Variants in CREB5 observed in about 807,000 individuals in gnomAD.
CREB5 encodes the protein cAMP responsive element binding protein 5, also known as cyclic AMP-responsive element-binding protein 5.
CREB5 carries 19 observed loss-of-function variants against 57.1 expected under a neutral mutation model. The ratio of observed to expected loss-of-function variants is 0.33; its 90% CI spans 0.23 to 0.49. The LOEUF (loss-of-function observed/expected upper bound fraction) is 0.49. CREB5 is among the 20% of genes least tolerant of loss of function. CREB5 has a pLI of 0.99. For missense variants in CREB5, 579 were observed against 671.6 expected, an observed-to-expected ratio of 0.86 and a Z score of 1.52; for synonymous variants, 238 against 238.3, an observed-to-expected ratio of 1.00 and a Z score of 0.01.
At chr7:28,645,084 C>A (rs1798839560) in intron 5 of CREB5, among the ~76,000 whole-genome samples, 1 of 152,178 alleles carries the variant, frequency 6.6e-6, no homozygotes, top group African/African-American at 2.4e-5. Flanking sequence ...ATTGCAGCCC[C>A]CCAACCCTTG....
At chr7:28,587,980 G>C (rs1796362581) in intron 5 of CREB5, among the ~76,000 whole-genome samples, 1 of 152,124 alleles carries the variant, frequency 6.6e-6, no homozygotes, top group Non-Finnish European at 1.5e-5. Context: ...GTATGCTATG[G>C]GGAGCTCTTC....
intron 5 of CREB5, among the ~76,000 whole-genome samples, chr7:28,681,842 T>C (rs1426315822): frequency 6.6e-6 from 1 of 152,074 alleles, no homozygotes; most frequent in Non-Finnish European, 1.5e-5. Flanking sequence ...ATTCCAGGAG[T>C]GTCAACGGTC....
intron 5 of CREB5, among the ~76,000 whole-genome samples, chr7:28,590,750 G>T (rs867714825): frequency 2.6e-5 from 4 of 151,798 alleles, no homozygotes; most frequent in Middle Eastern, 3.4e-3. Context: ...CTTTGGAAAA[G>T]TTATAGTTAA....
At chr7:28,502,404 G>C (rs1295424808) in intron 3 of CREB5, among the ~76,000 whole-genome samples, 1 of 152,022 alleles carries the variant, frequency 6.6e-6, no homozygotes, top group South Asian at 2.1e-4. Context: ...AATATGAAAA[G>C]TACCTAAGAA....
At chr7:28,772,994 G>A (rs1806410819) in intron 7 of CREB5, among the ~76,000 whole-genome samples, 1 of 152,148 alleles carries the variant, frequency 6.6e-6, no homozygotes, top group Non-Finnish European at 1.5e-5. Context: ...TAATGTATGG[G>A]TTATTGTAAG....
chr7:28,492,158 C>T (rs924386943), intron 2 of CREB5, among the ~76,000 whole-genome samples: 2 of 152,188 alleles, frequency 1.3e-5, no homozygotes, highest in African/African-American at 4.8e-5. Flanking sequence ...TGCCACCACG[C>T]CTGGCTAATT....
Position 28,346,962 on chromosome 7 carries a change from G to T in CREB5, c.-25+47521G>T, listed in dbSNP as rs138420452. ...AGTACCACTGGGTTGGCCTTGGTAG[G>T]AGAAGAGGCAAGGACAAAGGAGGAA... On this transcript the variant is annotated intron_variant, in intron 1 of 9. Coordinates refer to the CREB5 transcript ENST00000396299. Among the ~76,000 whole-genome samples, 567 of 152,282 alleles carry T rather than the reference G, an allele frequency of 3.7e-3. 5 individuals are homozygous for T. The highest frequency in any genetic ancestry group is 3.6e-3 in the Non-Finnish European group (247 of 68,030).
chr7:28,755,092 A>C (rs1427395229), intron 7 of CREB5, among the ~76,000 whole-genome samples: 4 of 152,202 alleles, frequency 2.6e-5, no homozygotes, highest in Non-Finnish European at 4.4e-5. Flanking sequence ...AAATGAGAGC[A>C]TAAGATTGGT....
At chr7:28,426,955 T>A (rs910251336) in intron 1 of CREB5, among the ~76,000 whole-genome samples, 5 of 152,170 alleles carry the variant, frequency 3.3e-5, no homozygotes, top group African/African-American at 1.2e-4. Flanking sequence ...CTTCCTAGAA[T>A]CAGCATGAGA....
At chr7:28,344,086 T>C (rs2127989334) in intron 1 of CREB5, among the ~76,000 whole-genome samples, 1 of 152,234 alleles carries the variant, frequency 6.6e-6, no homozygotes, top group African/African-American at 2.4e-5. Context: ...TCATTATATG[T>C]TCTGGATATT....
intron 5 of CREB5, among the ~76,000 whole-genome samples, chr7:28,575,460 G>A (rs1795869264): frequency 6.6e-6 from 1 of 152,222 alleles, no homozygotes; most frequent in Non-Finnish European, 1.5e-5. Flanking sequence ...CAATGCATAT[G>A]CGTATGAATC....
intron 7 of CREB5, among the ~76,000 whole-genome samples, chr7:28,756,930 T>A (rs975666232): frequency 2.6e-5 from 4 of 152,188 alleles, no homozygotes; most frequent in Non-Finnish European, 4.4e-5. Flanking sequence ...ATTGATTGGT[T>A]CAGGCGCTCA....
chr7:28,671,957 A>G (rs1370515085), intron 5 of CREB5, among the ~76,000 whole-genome samples: 6 of 152,178 alleles, frequency 3.9e-5, no homozygotes. Context: ...ACACTTTCTT[A>G]ATCTTTTTTA....
At chr7:28,692,955 C>T (rs867336586) in intron 5 of CREB5, among the ~76,000 whole-genome samples, 9 of 152,256 alleles carry the variant, frequency 5.9e-5, no homozygotes, top group Admixed American at 3.3e-4. Context: ...CCTGTACCTG[C>T]GCTGGCAAGA....
At chr7:28,672,449 A>G (rs1481814269) in intron 5 of CREB5, among the ~76,000 whole-genome samples, 1 of 150,638 alleles carries the variant, frequency 6.6e-6, no homozygotes, top group Non-Finnish European at 1.5e-5. Context: ...GAACTGCAGA[A>G]AAAAAAAATG....
rs1795208911 is a variant in CREB5, at chr7:28,560,951, C to CGTGCGTTTGCGT, written c.292-9411_292-9410insCGTTTGCGTGTG. On this transcript the variant is annotated intron_variant, in intron 4 of 10. Coordinates refer to ENST00000357727, the MANE Select transcript of CREB5 (RefSeq NM_182898.4). ...GTGCGTGTGTGCGTGCGTGTGTGTG[C>CGTGCGTTTGCGT]GTGTGTGTGCGTGTGTGTGTGCGTG... Among the ~76,000 whole-genome samples, 8 of 38,950 alleles carry CGTGCGTTTGCGT rather than the reference C, an allele frequency of 2.1e-4. 1 individual carries two copies. Among genetic ancestry groups the CGTGCGTTTGCGT allele is most frequent in the Admixed American group, 1.3e-3 (4 of 3,120 alleles). 25.6% of individuals were successfully genotyped at this position (38,950 alleles called of 152,430 possible).
intron 5 of CREB5, among the ~76,000 whole-genome samples, chr7:28,672,577 G>A (rs1330559153): frequency 6.6e-6 from 1 of 152,128 alleles, no homozygotes; most frequent in African/African-American, 2.4e-5. Flanking sequence ...CCTGGTTAAC[G>A]GGAAATGCCC....
chr7:28,560,951 CGTGTGTGTGCGT>C lies in CREB5; in HGVS notation c.292-9396_292-9385del, dbSNP rs1326330787. On this transcript the variant is annotated intron_variant, in intron 4 of 10. Coordinates refer to ENST00000357727, the MANE Select transcript of CREB5 (RefSeq NM_182898.4). ...GTGCGTGTGTGCGTGCGTGTGTGTG[CGTGTGTGTGCGT>C]GTGTGTGTGCGTGTGTGCGTGCGTG... Among the ~76,000 whole-genome samples the C allele has an allele frequency of 2.1e-3, 81 of 38,892 alleles. 2 individuals carry two copies. The highest frequency in any genetic ancestry group is 5.4e-3 in the African/African-American group (66 of 12,196). 25.5% of individuals were successfully genotyped at this position (38,892 alleles called of 152,430 possible).
chr7:28,688,633 T>C (rs887248645), intron 5 of CREB5, among the ~76,000 whole-genome samples: 1 of 152,198 alleles, frequency 6.6e-6, no homozygotes, highest in African/African-American at 2.4e-5. Context: ...TATTATAAAG[T>C]ATATATTTAT....
Sources: gnomAD v4.1 joint callset for allele counts (sites outside exome capture counted in the v4.1 genomes callset) on GRCh38, gnomAD v4.1.1 for gene constraint, MANE v1.5 for transcripts, NCBI Gene and HGNC (gene_info 2026-07-23, HGNC 2026-07-21) for gene names.